Variants in NRG3 observed in about 807,000 individuals in gnomAD.
NRG3 encodes neuregulin 3, also known as pro-neuregulin-3, membrane-bound isoform.
NRG3 carries 31 observed loss-of-function variants against 66.9 expected under a neutral mutation model. That is an observed-to-expected ratio of 0.46 (90% CI 0.35 to 0.63). The LOEUF (loss-of-function observed/expected upper bound fraction) is 0.63. NRG3 is among the 20% of genes least tolerant of loss of function. The pLI is 0.00. For synonymous variants in NRG3, 393 were observed against 359.4 expected (o/e 1.09, Z -1.06); for missense variants, 910 against 878.9 (o/e 1.04, Z -0.45).
intron 4 of NRG3, among the ~76,000 whole-genome samples, chr10:82,868,245 T>TA (rs1840958238): frequency 6.6e-6 from 1 of 152,248 alleles, no homozygotes; most frequent in Non-Finnish European, 1.5e-5. Context: ...TAATTTGCTA[T>TA]AGATGCAATC....
intron 1 of NRG3, among the ~76,000 whole-genome samples, chr10:82,278,003 A>G: frequency 6.6e-6 from 1 of 152,090 alleles, no homozygotes; most frequent in East Asian, 1.9e-4. Context: ...GTAACTTCAA[A>G]TATCACCACA....
At chr10:82,319,555 T>G (rs2081458466) in intron 1 of NRG3, among the ~76,000 whole-genome samples, 1 of 152,174 alleles carries the variant, frequency 6.6e-6, no homozygotes, top group Non-Finnish European at 1.5e-5. Context: ...AATGCCTAAT[T>G]CTGAGATTGT....
intron 1 of NRG3, among the ~76,000 whole-genome samples, chr10:81,945,388 T>A (rs1309000705): frequency 6.6e-6 from 1 of 152,104 alleles, no homozygotes; most frequent in Non-Finnish European, 1.5e-5. Flanking sequence ...TAATGCTTGG[T>A]TCACTGAATG....
chr10:82,947,566 C>CTAG (rs1170518219), intron 4 of NRG3, among the ~76,000 whole-genome samples: 3 of 152,038 alleles, frequency 2.0e-5, no homozygotes, highest in African/African-American at 7.2e-5. Context: ...CATGAGAGTT[C>CTAG]TAGTTGTTCA....
intron 2 of NRG3, among the ~76,000 whole-genome samples, chr10:82,589,106 C>CT (rs890468250): frequency 6.6e-6 from 1 of 152,150 alleles, no homozygotes; most frequent in African/African-American, 2.4e-5. Context: ...CCCAGACTCT[C>CT]TGTCAGTCTC....
chr10:82,168,394 T>A (rs2133060624), intron 1 of NRG3, among the ~76,000 whole-genome samples: 1 of 151,840 alleles, frequency 6.6e-6, no homozygotes, highest in African/African-American at 2.4e-5. Context: ...GTGGTCAGAG[T>A]CCCCAGAGAA....
At chr10:82,345,568 A>G (rs900078718) in intron 1 of NRG3, among the ~76,000 whole-genome samples, 1 of 151,430 alleles carries the variant, frequency 6.6e-6, no homozygotes, top group African/African-American at 2.4e-5. Flanking sequence ...GTTCCATATG[A>G]ACTTTAAAGT....
At chr10:82,359,787 G>T (rs1386194864) in intron 2 of NRG3, among the ~76,000 whole-genome samples, 1 of 152,060 alleles carries the variant, frequency 6.6e-6, no homozygotes, top group Non-Finnish European at 1.5e-5. Flanking sequence ...AGTGAGGCAT[G>T]GAAAATTATG....
intron 4 of NRG3, among the ~76,000 whole-genome samples, chr10:82,867,533 C>G (rs1355360968): frequency 6.6e-6 from 1 of 151,972 alleles, no homozygotes; most frequent in Non-Finnish European, 1.5e-5. Flanking sequence ...TCATAAGAGA[C>G]AAGAGAAACT....
chr10:82,872,093 T>C (rs749928876), intron 4 of NRG3, among the ~76,000 whole-genome samples: 6 of 152,166 alleles, frequency 3.9e-5, no homozygotes, highest in Non-Finnish European at 7.4e-5. Context: ...CCTCTATTTC[T>C]AGTTAACTGA....
chr10:82,132,491 TG>T (rs376127463), intron 1 of NRG3, among the ~76,000 whole-genome samples: 7,050 of 23,758 alleles, frequency 0.3, 1,154 homozygotes, highest in South Asian at 0.38. Context: ...TATATATATA[TG>T]ATATATATAT....
At chr10:82,696,192 G>A (rs1018928720) in intron 2 of NRG3, among the ~76,000 whole-genome samples, 1 of 152,032 alleles carries the variant, frequency 6.6e-6, no homozygotes, top group Non-Finnish European at 1.5e-5. Context: ...ACAGAGATAG[G>A]ACTCCCAAGA....
chr10:82,420,494 A>G (rs2088980181), intron 2 of NRG3, among the ~76,000 whole-genome samples: 2 of 152,132 alleles, frequency 1.3e-5, no homozygotes, highest in Non-Finnish European at 2.9e-5. Flanking sequence ...TGCTGTAAAA[A>G]AATTATTTCT....
intron 2 of NRG3, among the ~76,000 whole-genome samples, chr10:82,725,183 A>G (rs546643208): frequency 4.6e-5 from 7 of 152,342 alleles, no homozygotes; most frequent in African/African-American, 1.7e-4. Context: ...TGAAGCAGGA[A>G]CAATAGGTCT....
chr10:82,559,196 T>A (rs1001711298), intron 2 of NRG3, among the ~76,000 whole-genome samples: 1 of 152,164 alleles, frequency 6.6e-6, no homozygotes, highest in Non-Finnish European at 1.5e-5. Flanking sequence ...CCACTGTTGA[T>A]TTCTTGGAGC....
At chr10:82,827,255 C>G (rs2062274891) in intron 3 of NRG3, 1 of 307,394 alleles carries the variant, frequency 3.3e-6, no homozygotes. Context: ...GATTAAAAAT[C>G]TAATTTCAAA....
At chr10:82,126,781 C>T (rs1451099085) in intron 1 of NRG3, among the ~76,000 whole-genome samples, 1 of 151,990 alleles carries the variant, frequency 6.6e-6, no homozygotes, top group East Asian at 1.9e-4. Flanking sequence ...GAGTTCTCTG[C>T]AACCTGCGTA....
At chr10:82,358,964 TAC>T in intron 2 of NRG3, 96 bp downstream of exon 2, 1 of 1,530,828 alleles carries the variant, frequency 6.5e-7, no homozygotes, top group Non-Finnish European at 9.0e-7. Context: ...ATATCCGGGA[TAC>T]ACACAGTCCC....
At chr10:82,787,842 A>G (rs1286057070) in intron 3 of NRG3, among the ~76,000 whole-genome samples, 2 of 152,092 alleles carry the variant, frequency 1.3e-5, no homozygotes, top group Non-Finnish European at 1.5e-5. Flanking sequence ...TCTGAGCCCA[A>G]TTTTTGCAGG....
Sources: allele counts gnomAD v4.1 joint callset (sites outside exome capture counted in the v4.1 genomes callset), GRCh38; gene constraint gnomAD v4.1.1; transcripts MANE v1.5; gene names NCBI Gene and HGNC (gene_info 2026-07-23, HGNC 2026-07-21).